Variants in STAU2 observed in about 807,000 individuals in gnomAD.
STAU2 encodes double-stranded RNA-binding protein Staufen homolog 2.
STAU2 carries 20 observed loss-of-function variants against 65.9 expected under a neutral mutation model. The observed-to-expected ratio is 0.30, with a 90% CI of 0.21 to 0.44. The LOEUF is 0.44. STAU2 is among the 20% of genes least tolerant of loss of function. STAU2 has a pLI of 1.00. For synonymous variants in STAU2, 232 were observed against 233.9 expected (o/e 0.99, Z 0.07); for missense variants, 558 against 683.9 (o/e 0.82, Z 2.05).
chr8:73,649,679 T>C (rs1436514869), intron 6 of STAU2, among the ~76,000 whole-genome samples: 1 of 151,766 alleles, frequency 6.6e-6, no homozygotes, highest in East Asian at 1.9e-4. Context: ...ATAAAAGTCA[T>C]ATTAAAATGT....
intron 11 of STAU2, among the ~76,000 whole-genome samples, chr8:73,586,619 A>G (rs1210889156): frequency 6.7e-6 from 1 of 150,028 alleles, no homozygotes; most frequent in African/African-American, 2.5e-5. Flanking sequence ...ACAGAAAGAT[A>G]ATGAGGAGAA....
At chr8:73,572,099 C>T (rs1438250873) in intron 12 of STAU2, among the ~76,000 whole-genome samples, 1 of 152,112 alleles carries the variant, frequency 6.6e-6, no homozygotes, top group African/African-American at 2.4e-5. Flanking sequence ...ATACAAACTA[C>T]CATCAGAGAA....
chr8:73,570,831 T>G (rs1458604495), intron 12 of STAU2, among the ~76,000 whole-genome samples: 1 of 152,220 alleles, frequency 6.6e-6, no homozygotes, highest in Non-Finnish European at 1.5e-5. Flanking sequence ...CAACCCAGAA[T>G]TTCATATCTA....
intron 11 of STAU2, among the ~76,000 whole-genome samples, chr8:73,591,901 A>AAAAAAAAAAAAAAC (rs1563443984): frequency 5.6e-5 from 8 of 142,072 alleles, no homozygotes; most frequent in Non-Finnish European, 9.2e-5. Context: ...AAAAAAAAAA[A>AAAAAAAAAAAAAAC]AAAAAAAAAA....
intron 13 of STAU2, among the ~76,000 whole-genome samples, chr8:73,539,148 A>C (rs530900890): frequency 6.6e-6 from 1 of 152,320 alleles, no homozygotes; most frequent in Admixed American, 6.5e-5. Flanking sequence ...ATAAAACGCA[A>C]AACTATTCAG....
At chr8:73,695,736 A>G (rs1462505176) in intron 4 of STAU2, among the ~76,000 whole-genome samples, 1 of 152,146 alleles carries the variant, frequency 6.6e-6, no homozygotes, top group African/African-American at 2.4e-5. Context: ...GAATGAGCCC[A>G]TGGACCAGTG....
chr8:73,706,640 A>G (rs1416412330), intron 4 of STAU2, among the ~76,000 whole-genome samples: 1 of 152,162 alleles, frequency 6.6e-6, no homozygotes, highest in Admixed American at 6.5e-5. Context: ...ACTCAACAAC[A>G]TGCCAATTAT....
intron 3 of STAU2, among the ~76,000 whole-genome samples, chr8:73,719,799 T>TTAAAA (rs1821512721): frequency 6.6e-6 from 1 of 152,252 alleles, no homozygotes; most frequent in Non-Finnish European, 1.5e-5. Flanking sequence ...TGTCTGATTC[T>TTAAAA]GGTATCCCAG....
At chr8:73,440,137 G>C (rs1316879109) in intron 13 of STAU2, 1 of 152,220 alleles carries the variant, frequency 6.6e-6, no homozygotes, top group Non-Finnish European at 1.5e-5. Context: ...TCAGCTCTTG[G>C]TCTCCTGTGC....
chr8:73,465,964 C>T (rs755354672), intron 13 of STAU2, among the ~76,000 whole-genome samples: 18 of 152,284 alleles, frequency 1.2e-4, no homozygotes, highest in South Asian at 6.2e-4. Context: ...TACAGGCGCA[C>T]GCCACCACGC....
At chr8:73,554,851 A>G (rs1471796724) in intron 12 of STAU2, among the ~76,000 whole-genome samples, 2 of 152,340 alleles carry the variant, frequency 1.3e-5, no homozygotes, top group Non-Finnish European at 2.9e-5. Flanking sequence ...TTATCGCTCT[A>G]TCTTCATCTA....
intron 13 of STAU2, among the ~76,000 whole-genome samples, chr8:73,546,027 C>T (rs911301287): frequency 1.4e-5 from 2 of 147,920 alleles, no homozygotes; most frequent in East Asian, 2.0e-4. Context: ...ACTGCACTTC[C>T]GCCTCCCTGG....
chr8:73,644,353 A>G (rs1815200553), intron 6 of STAU2, among the ~76,000 whole-genome samples: 1 of 152,070 alleles, frequency 6.6e-6, no homozygotes, highest in Non-Finnish European at 1.5e-5. Context: ...GCTGAAGCAG[A>G]AGGATCACTT....
chr8:73,492,987 C>A (rs1041336060), intron 13 of STAU2, among the ~76,000 whole-genome samples: 1 of 151,142 alleles, frequency 6.6e-6, no homozygotes, highest in Non-Finnish European at 1.5e-5. Context: ...TGGAACAGAA[C>A]AGAGAACCCA....
intron 13 of STAU2, among the ~76,000 whole-genome samples, chr8:73,476,267 T>G (rs758878186): frequency 2.1e-4 from 32 of 152,210 alleles, no homozygotes; most frequent in Non-Finnish European, 4.0e-4. Flanking sequence ...TCTGGTGTTA[T>G]TATGGAAGTT....
intron 13 of STAU2, among the ~76,000 whole-genome samples, chr8:73,512,391 C>T (rs1046287395): frequency 2.0e-5 from 3 of 151,618 alleles, no homozygotes; most frequent in African/African-American, 7.3e-5. Flanking sequence ...ACATTGAATA[C>T]CTCTCATTTG....
intron 9 of STAU2, among the ~76,000 whole-genome samples, chr8:73,604,442 C>G (rs1373008972): frequency 1.3e-5 from 2 of 152,010 alleles, no homozygotes; most frequent in African/African-American, 2.4e-5. Context: ...GTTGGCCAAC[C>G]TGATCTTGAA....
intron 6 of STAU2, among the ~76,000 whole-genome samples, chr8:73,658,143 C>A (rs1186966007): frequency 6.6e-6 from 1 of 152,120 alleles, no homozygotes; most frequent in East Asian, 1.9e-4. Flanking sequence ...GTGGGCGAAT[C>A]ACCTGAGGTC....
At chr8:73,717,999 T>C (rs1482747987) in intron 3 of STAU2, among the ~76,000 whole-genome samples, 4 of 152,142 alleles carry the variant, frequency 2.6e-5, no homozygotes, top group Non-Finnish European at 2.9e-5. Context: ...TTCCAACCCA[T>C]GAAAAGGATA....
Sources: gnomAD v4.1 joint callset for allele counts (sites outside exome capture counted in the v4.1 genomes callset) on GRCh38, gnomAD v4.1.1 for gene constraint, MANE v1.5 for transcripts, NCBI Gene and HGNC (gene_info 2026-07-23, HGNC 2026-07-21) for gene names.